KCNT1: variants seen among roughly 807,000 people sequenced by gnomAD.
The protein encoded by KCNT1 is potassium channel subfamily T member 1.
KCNT1 carries 78 observed loss-of-function variants against 147.8 expected under a neutral mutation model. The ratio of observed to expected loss-of-function variants is 0.53; its 90% confidence interval spans 0.44 to 0.64. KCNT1 has a LOEUF of 0.64. KCNT1 is among the 30% of genes least tolerant of loss of function. The pLI, the probability that KCNT1 is intolerant of heterozygous loss-of-function variation, is 0.00. For missense variants in KCNT1, 1,419 were observed against 1,750.3 expected, an observed-to-expected ratio of 0.81 and a Z score of 3.38; for synonymous variants, 867 against 748.8, an observed-to-expected ratio of 1.16 and a Z score of -2.58.
intron 2 of KCNT1, among the ~76,000 whole-genome samples, chr9:135,740,020 G>A (rs1285311826): frequency 1.3e-5 from 2 of 152,082 alleles, no homozygotes; most frequent in African/African-American, 4.8e-5. Flanking sequence ...CCTCCCCTTG[G>A]CTCGTAGACA....
intron 4 of KCNT1, among the ~76,000 whole-genome samples, chr9:135,753,176 G>T (rs1313863127): frequency 6.6e-6 from 1 of 152,174 alleles, no homozygotes; most frequent in Admixed American, 6.5e-5. Flanking sequence ...TGGGTGGATG[G>T]ATGATAGATG....
At chr9:135,705,293 C>T (rs1233015523) in intron 1 of KCNT1, among the ~76,000 whole-genome samples, 1 of 152,246 alleles carries the variant, frequency 6.6e-6, no homozygotes, top group African/African-American at 2.4e-5. Context: ...AAGGGTGGCA[C>T]TTCTGTGTCT....
intron 11 of KCNT1, among the ~76,000 whole-genome samples, chr9:135,763,520 G>A (rs1832054124): frequency 6.6e-6 from 1 of 152,150 alleles, no homozygotes; most frequent in South Asian, 2.1e-4. Context: ...CGGAAGTGGA[G>A]GGGTTGGCAG....
intron 11 of KCNT1, 136 bp from the exon 12 acceptor site, chr9:135,764,894 CT>C (rs1171381683): frequency 7.6e-6 from 6 of 792,824 alleles, no homozygotes; most frequent in Non-Finnish European, 7.9e-6. Context: ...AAAGGCCCCC[CT>C]AATGTAGGTG....
chr9:135,741,771 G>C (rs1830580939), intron 2 of KCNT1, among the ~76,000 whole-genome samples: 1 of 152,274 alleles, frequency 6.6e-6, no homozygotes, highest in Non-Finnish European at 1.5e-5. Context: ...TGTGGCCTCA[G>C]AAGACTGTGG....
intron 12 of KCNT1, 82 bp from the exon 13 acceptor site, chr9:135,765,542 C>T: frequency 6.9e-7 from 1 of 1,453,440 alleles, no homozygotes; most frequent in Non-Finnish European, 9.4e-7. Context: ...AGGTGGTGGG[C>T]ACAAACACAG....
intron 2 of KCNT1, among the ~76,000 whole-genome samples, chr9:135,717,369 C>T (rs754129874): frequency 1.3e-5 from 2 of 152,056 alleles, no homozygotes; most frequent in Non-Finnish European, 2.9e-5. Flanking sequence ...AGAGTGGTTC[C>T]CCACTTCTCA....
chr9:135,739,754 T>C (rs1393772556), intron 2 of KCNT1, among the ~76,000 whole-genome samples: 1 of 152,138 alleles, frequency 6.6e-6, no homozygotes, highest in Non-Finnish European at 1.5e-5. Context: ...ACACCTTCTT[T>C]CCACACAGTG....
intron 29 of KCNT1, 91 bp from the exon 30 acceptor site, chr9:135,791,706 T>C: frequency 9.1e-7 from 1 of 1,102,644 alleles, no homozygotes; most frequent in Non-Finnish European, 1.4e-6. Context: ...AAGACTCAGC[T>C]CATCCTGGAG....
Position 135,792,919 on chromosome 9 carries a change from AC to A in KCNT1, c.*760del, listed in dbSNP as rs774353772. 3.3e-5 allele frequency: 5 copies of A among 152,104 alleles called. No homozygotes were observed. Among genetic ancestry groups the A allele is most frequent in the Non-Finnish European group, 7.3e-5 (5 of 68,036 alleles). The allele number at this position is 152,104 out of a possible 1,614,324, so 9.4% of individuals were successfully genotyped here. Reference sequence around the variant, plus strand: ...CATTTCCATGGACCATTTTACACTTACCTTTTAAAGCAAAGCCTCATTTTCT... The same window carrying A: ...CATTTCCATGGACCATTTTACACTTACTTTTAAAGCAAAGCCTCATTTTCT... On this transcript the variant is annotated 3_prime_UTR_variant, in exon 31 of 31. Coordinates refer to ENST00000371757, the MANE Select transcript of KCNT1 (RefSeq NM_020822.3).
At chr9:135,777,550 C>A (rs780200706) in intron 21 of KCNT1, 40 bp downstream of exon 21, 4 of 1,487,616 alleles carry the variant, frequency 2.7e-6, no homozygotes, top group Non-Finnish European at 2.7e-6. Flanking sequence ...CCCACCCGGG[C>A]CCTCAGACCT....
At position 135,757,192 on chromosome 9, in the gene KCNT1, G is replaced by A. The variant is rs143536408; in HGVS notation, c.637G>A (p.Val213Ile). 81 of 1,607,604 alleles carry A rather than the reference G, an allele frequency of 5.0e-5. No homozygotes were observed. In the African/African-American group the frequency reaches 5.2e-4, roughly 10 times the overall value. ...IWEQIFRVSFVLEMINTLPFI... is the reference protein window; with the variant it reads ...IWEQIFRVSFILEMINTLPFI... ...GGAGCAGATCTTCCGCGTGTCCTTC[G>A]TCCTGGAGATGATCAACACTCTGCC... The change falls in exon 8 of 31, where the codon GTC (valine) becomes ATC (isoleucine). Residue 213 changes from valine to isoleucine, a missense_variant. Val to Ile is a conservative substitution (Grantham distance 29). Transcript: ENST00000371757.
chr9:135,795,486 T>A lies in KCNT1; in HGVS notation c.*3325T>A, dbSNP rs548351263. 6 of 152,258 alleles carry A rather than the reference T, an allele frequency of 3.9e-5. No homozygotes were observed. In the East Asian group the frequency reaches 9.6e-4, roughly 24 times the overall value. The allele number at this position is 152,258 out of a possible 1,614,324, so 9.4% of individuals were successfully genotyped here. The stretch of plus-strand genomic sequence containing the variant: ...AAAAAAGAAAAAGAAAATAAAACTG[T>A]TTGCTCAAAATCAGAATACCAACAG... On this transcript the variant is annotated 3_prime_UTR_variant, in exon 31 of 31. Coordinates refer to ENST00000371757, the MANE Select transcript of KCNT1 (RefSeq NM_020822.3).
At chr9:135,770,764 G>A in intron 17 of KCNT1, 93 bp from the exon 18 acceptor site, 1 of 1,238,496 alleles carries the variant, frequency 8.1e-7, no homozygotes, top group South Asian at 1.5e-5. Flanking sequence ...CGGAGCTCCG[G>A]TGGGGACTCT....
rs1177579134 is a variant in KCNT1 at position 135,769,063 on chromosome 9, G to C, written c.1510+126G>C. The C allele has an allele frequency of 6.8e-5, 48 of 710,712 alleles. No individual in the cohort carries two copies. In the African/African-American group the frequency reaches 8.0e-4, roughly 12 times the overall value. The allele number at this position is 710,712 out of a possible 1,614,324, so 44.0% of individuals were successfully genotyped here. On this transcript the variant is annotated intron_variant, in intron 15 of 30. Transcript: ENST00000371757. ...TGACGGTGCGTCTGGGGCAGGACGC[G>C]TGTGCACACGTGGGTGACGGTGCGT...
intron 19 of KCNT1, among the ~76,000 whole-genome samples, chr9:135,773,967 C>T (rs1832929928): frequency 6.6e-6 from 1 of 151,396 alleles, no homozygotes; most frequent in Non-Finnish European, 1.5e-5. Flanking sequence ...AAAGCCTGGT[C>T]TAGGCTGTGG....
At chr9:135,750,851 A>T (rs1372104297) in intron 3 of KCNT1, 91 bp from the exon 4 acceptor site, 1 of 1,185,988 alleles carries the variant, frequency 8.4e-7, no homozygotes. Flanking sequence ...AGCTGGGGCC[A>T]TCCAGAGAGC....
chr9:135,722,167 C>T (rs1187321349), intron 2 of KCNT1, among the ~76,000 whole-genome samples: 2 of 152,136 alleles, frequency 1.3e-5, no homozygotes, highest in African/African-American at 4.8e-5. Flanking sequence ...GCTCAGTCCT[C>T]AGCCTGTGCG....
rs917893164 is a variant in KCNT1 at position 135,786,266 on chromosome 9, G to A, written c.3247G>A (p.Ala1083Thr). ...REVKGPWGSR[A>T]GTGGSSQGRH... ...AGTGAAGGGGCCCTGGGGCTCCCGC[G>A]CTGGCACCGGAGGCAGCTCCCAGGG... Residue 1083 changes from alanine to threonine, a missense_variant, in exon 29 of 31, where the codon GCT becomes ACT. Around this residue, in one of 5 missense-constraint regions of KCNT1, gnomAD observed 306 missense variants for 294.2 expected, o/e 1.04. Transcript: ENST00000371757. 44 of 1,610,370 alleles carry A rather than the reference G, an allele frequency of 2.7e-5. No homozygotes were observed. The highest frequency in any genetic ancestry group is 3.3e-5 in the Non-Finnish European group (39 of 1,179,214).
Sources: allele counts gnomAD v4.1 joint callset (sites outside exome capture counted in the v4.1 genomes callset), GRCh38; gene constraint gnomAD v4.1.1; regional missense constraint gnomAD v4.1.1; transcripts MANE v1.5; gene names NCBI Gene and HGNC (gene_info 2026-07-23, HGNC 2026-07-21).